SACS: variants seen among roughly 807,000 people sequenced by gnomAD.
SACS encodes sacsin molecular chaperone.
In SACS, 197 loss-of-function variants were observed where a neutral mutation model predicts 348.0. That is an observed-to-expected ratio of 0.57 (90% CI 0.50 to 0.64). The LOEUF is 0.64. SACS is among the 30% of genes least tolerant of loss of function. The probability of loss-of-function intolerance (pLI) is 0.00; values close to 1 mark genes in which losing one functional copy is unlikely to be tolerated. For missense variants in SACS, 4,999 were observed against 5,360.8 expected (o/e 0.93, Z 2.11); for synonymous variants, 1,985 against 1,910.6 (o/e 1.04, Z -1.02).
chr13:23,377,242 C>A (rs998255543), intron 2 of SACS, among the ~76,000 whole-genome samples: 1 of 152,084 alleles, frequency 6.6e-6, no homozygotes, highest in African/African-American at 2.4e-5. Flanking sequence ...TCCTTAAAAC[C>A]AGGTGAATTG....
intron 2 of SACS, among the ~76,000 whole-genome samples, chr13:23,375,818 A>T (rs1871769184): frequency 6.6e-6 from 1 of 152,194 alleles, no homozygotes; most frequent in Non-Finnish European, 1.5e-5. Flanking sequence ...CCAGAAGGCA[A>T]ACCCAATAAG....
At position 23,355,091 on chromosome 13, in the gene SACS, A is replaced by C. The variant is rs751762471; in HGVS notation, c.1521T>G (p.Thr507=). ...GACGTTTTATTGAATCTAAGATCAG[A>C]GTAGCATAAGCTTTGGGGACAACAT... ...VMNVVPKAYA[T]LILDSIKRLE... Residue 507 remains threonine, a synonymous_variant, in exon 8 of 10, where the codon ACT becomes ACG. Transcript: ENST00000382292. 7 of 1,614,214 alleles carry C rather than the reference A, an allele frequency of 4.3e-6. No individual in the cohort carries two copies. Among genetic ancestry groups the C allele is most frequent in the Non-Finnish European group, 5.1e-6 (6 of 1,180,036 alleles).
At chr13:23,368,535 A>T (rs1032256900) in intron 4 of SACS, 48 bp from the exon 5 acceptor site, 3 of 1,305,512 alleles carry the variant, frequency 2.3e-6, no homozygotes, top group Non-Finnish European at 3.3e-6. Context: ...AAATCCCATG[A>T]ATTGTCACCA....
At chr13:23,420,111 C>G (rs971780101) in intron 1 of SACS, among the ~76,000 whole-genome samples, 1 of 152,108 alleles carries the variant, frequency 6.6e-6, no homozygotes, top group Non-Finnish European at 1.5e-5. Flanking sequence ...GGCCTCATGT[C>G]CACCTGTGGT....
chr13:23,371,030 T>C (rs753750564), intron 4 of SACS, 48 bp downstream of exon 4: 8 of 1,232,718 alleles, frequency 6.5e-6, no homozygotes, highest in Middle Eastern at 1.9e-4. Context: ...AACTCAATCT[T>C]TGTGCAACCC....
intron 2 of SACS, among the ~76,000 whole-genome samples, chr13:23,395,772 G>A (rs1223563551): frequency 6.6e-6 from 1 of 152,214 alleles, no homozygotes; most frequent in African/African-American, 2.4e-5. Context: ...AAACACTTAG[G>A]AAGCAGGGCA....
At chr13:23,427,505 A>ATATGATCT (rs1874236860) in intron 1 of SACS, 1 of 152,254 alleles carries the variant, frequency 6.6e-6, no homozygotes, top group South Asian at 2.1e-4. Flanking sequence ...ACTACTGTAC[A>ATATGATCT]TATGATCTCA....
At chr13:23,363,722 G>A (rs1870888365) in intron 6 of SACS, among the ~76,000 whole-genome samples, 1 of 152,142 alleles carries the variant, frequency 6.6e-6, no homozygotes, top group East Asian at 1.9e-4. Flanking sequence ...ATGATACCAG[G>A]TATAAAACAT....
chr13:23,396,046 G>A (rs1020526006), intron 2 of SACS, among the ~76,000 whole-genome samples: 4 of 152,040 alleles, frequency 2.6e-5, no homozygotes, highest in African/African-American at 7.2e-5. Flanking sequence ...AATTCAGGCC[G>A]GGTGCAGTAG....
intron 1 of SACS, chr13:23,427,595 C>T (rs941493119): frequency 6.6e-6 from 1 of 152,256 alleles, no homozygotes; most frequent in Non-Finnish European, 1.5e-5. Context: ...CAGTTTCAAA[C>T]AGGAACAGCC....
chr13:23,425,940 C>T (rs1254476984), intron 1 of SACS, among the ~76,000 whole-genome samples: 1 of 152,082 alleles, frequency 6.6e-6, no homozygotes, highest in Non-Finnish European at 1.5e-5. Flanking sequence ...AATAAGATTA[C>T]CTTGCAGGGG....
chr13:23,402,301 T>C (rs1873013356), intron 2 of SACS, among the ~76,000 whole-genome samples: 2 of 152,146 alleles, frequency 1.3e-5, no homozygotes. Flanking sequence ...TAATAAATGA[T>C]GACAATGGTT....
rs767048737 is a variant in SACS, at chr13:23,375,275, G to T, written c.21-6C>A. 2.1e-6 allele frequency: 3 copies of T among 1,457,828 alleles called. No individual in the cohort carries two copies. The South Asian group carries it at 4.1e-5, about 20-fold the overall frequency. The allele number at this position is 1,457,828 out of a possible 1,614,324, so 90.3% of individuals were successfully genotyped here. ...GCACGGTCACCGGGACCCACCTGTG[G>T]AAAGCAGAGGGACGCTCAGTCGGGC... is the stretch of plus-strand genomic sequence containing the variant. On this transcript the variant is annotated splice_polypyrimidine_tract_variant and splice_region_variant and intron_variant, in intron 2 of 9. Transcript: ENST00000382292.
intron 4 of SACS, among the ~76,000 whole-genome samples, chr13:23,369,516 C>A (rs986052393): frequency 4.6e-5 from 7 of 152,052 alleles, no homozygotes; most frequent in African/African-American, 1.7e-4. Context: ...TCAAACAAGA[C>A]TCTGTTTCCA....
chr13:23,359,073 T>A (rs1409882491), intron 6 of SACS, among the ~76,000 whole-genome samples: 1 of 152,014 alleles, frequency 6.6e-6, no homozygotes, highest in Admixed American at 6.6e-5. Flanking sequence ...TCCCAGCTAC[T>A]TGGGAAGCTG....
At chr13:23,347,741 A>G (rs1869699102) in intron 9 of SACS, among the ~76,000 whole-genome samples, 1 of 152,222 alleles carries the variant, frequency 6.6e-6, no homozygotes, top group African/African-American at 2.4e-5. Flanking sequence ...GGAAGCACAC[A>G]TGGGTTGCAT....
intron 1 of SACS, among the ~76,000 whole-genome samples, chr13:23,424,381 C>T (rs996576313): frequency 1.3e-5 from 2 of 152,106 alleles, no homozygotes; most frequent in East Asian, 1.9e-4. Flanking sequence ...CAAAATTAGC[C>T]GGGCATGGTG....
Position 23,358,343 on chromosome 13 carries a change from T to C in SACS, c.596A>G (p.His199Arg). The change falls in exon 7 of 10, where the codon CAT (histidine) becomes CGT (arginine). Residue 199 changes from histidine (H) to arginine (R), a missense_variant. Physicochemically the swap from His to Arg is conservative, Grantham distance 29 (BLOSUM62 0). Around this residue, in one of 6 missense-constraint regions of SACS, gnomAD observed 3,156 missense variants for 3,380.1 expected, o/e 0.93. Transcript: ENST00000382292. Reference sequence around the variant, plus strand: ...AAAGCCTAATACTCTACCTGTTATATGATAGACAGAATTAAACCCAATTCC... The same window carrying C: ...AAAGCCTAATACTCTACCTGTTATACGATAGACAGAATTAAACCCAATTCC... ...RFGIGFNSVY[H>R]ITDVPCIFSG... The C allele has an allele frequency of 1.2e-6, 2 of 1,613,968 alleles. No homozygotes were observed. The highest frequency in any genetic ancestry group is 2.2e-5 in the East Asian group (1 of 44,886).
chr13:23,343,132 C>T (rs755411509), intron 9 of SACS, among the ~76,000 whole-genome samples: 15 of 152,186 alleles, frequency 9.9e-5, no homozygotes, highest in Non-Finnish European at 2.2e-4. Context: ...TAAACTAAAA[C>T]ACTCAGAAGA....
Sources: gnomAD v4.1 joint callset for allele counts (sites outside exome capture counted in the v4.1 genomes callset) on GRCh38, gnomAD v4.1.1 for gene constraint, gnomAD v4.1.1 regional missense constraint, MANE v1.5 for transcripts, NCBI Gene and HGNC (gene_info 2026-07-23, HGNC 2026-07-21) for gene names.